Variants in LRCH2 observed in about 807,000 individuals in gnomAD.
The protein encoded by LRCH2 is leucine rich repeats and calponin homology domain containing 2, also known as leucine-rich repeat and calponin homology domain-containing protein 2.
Under a neutral mutation model 68.9 loss-of-function variants are expected in LRCH2, and 38 were observed. The observed-to-expected ratio is 0.55, with a 90% CI of 0.43 to 0.72. LRCH2 has a LOEUF of 0.72. Ranked by LOEUF, LRCH2 falls within the 30% of genes least tolerant of loss-of-function variation. The probability of loss-of-function intolerance (pLI) is 0.00; values close to 1 mark genes in which losing one functional copy is unlikely to be tolerated. For missense variants in LRCH2, 528 were observed against 572.9 expected (o/e 0.92, Z 0.80); for synonymous variants, 191 against 208.1 (o/e 0.92, Z 0.71).
chrX:115,145,163 T>A (rs1383759013), intron 14 of LRCH2, among the ~76,000 whole-genome samples: 1 of 111,398 alleles, frequency 9.0e-6, no homozygotes, highest in African/African-American at 3.3e-5. Context: ...TGAACTCAAT[T>A]TCAACAAAGC....
At chrX:115,189,442 A>G (rs1452719501) in intron 1 of LRCH2, 11 of 1,165,606 alleles carry the variant, frequency 9.4e-6, no homozygotes, top group Non-Finnish European at 1.1e-5. Context: ...GCAGGGAGAC[A>G]TGATGGAAGC....
At chrX:115,233,585 C>T in intron 1 of LRCH2, 108 bp downstream of exon 1, 1 of 829,591 alleles carries the variant, frequency 1.2e-6, no homozygotes, top group Non-Finnish European at 1.7e-6. Context: ...GTCTGGCGGT[C>T]CCCGCGCACC....
intron 1 of LRCH2, chrX:115,189,430 C>T (rs1481865165): frequency 4.3e-6 from 5 of 1,157,966 alleles, no homozygotes; most frequent in East Asian, 3.2e-5. Flanking sequence ...ACCCACCATT[C>T]GGCAGGGAGA....
At chrX:115,188,763 G>A (rs1333712457) in intron 1 of LRCH2, among the ~76,000 whole-genome samples, 6 of 111,323 alleles carry the variant, frequency 5.4e-5, no homozygotes, top group African/African-American at 9.8e-5. Context: ...CCCAGGAGGC[G>A]GAGGTTGCAG....
chrX:115,144,987 A>C (rs2072369511), intron 14 of LRCH2, among the ~76,000 whole-genome samples: 1 of 112,113 alleles, frequency 8.9e-6, no homozygotes, highest in South Asian at 3.7e-4. Context: ...AGAATGGCCA[A>C]AGCTATCCTG....
intron 3 of LRCH2, among the ~76,000 whole-genome samples, chrX:115,180,051 G>A (rs1431347332): frequency 9.0e-6 from 1 of 110,879 alleles, no homozygotes; most frequent in Non-Finnish European, 1.9e-5. Context: ...CCAGAAGTAA[G>A]AATGATCCAG....
intron 1 of LRCH2, among the ~76,000 whole-genome samples, chrX:115,219,109 C>T (rs1603101420): frequency 3.6e-5 from 4 of 112,002 alleles, no homozygotes; most frequent in Admixed American, 1.9e-4. Context: ...CCAACTGACT[C>T]TCCAGGACAA....
chrX:115,176,402 A>C (rs62601522), intron 5 of LRCH2, among the ~76,000 whole-genome samples: 11,738 of 110,995 alleles, frequency 0.11, 607 homozygotes, highest in Non-Finnish European at 0.16. Context: ...TGTGATTTAC[A>C]TTTCCCTGAT....
intron 11 of LRCH2, among the ~76,000 whole-genome samples, chrX:115,157,585 G>A (rs1447398296): frequency 9.3e-6 from 1 of 107,111 alleles, no homozygotes; most frequent in Non-Finnish European, 1.9e-5. Flanking sequence ...AGATGCAAAG[G>A]ACAAGTATCA....
chrX:115,149,676 G>C (rs2072416678), intron 14 of LRCH2, 151 bp downstream of exon 14: 1 of 364,579 alleles, frequency 2.7e-6, no homozygotes, highest in Admixed American at 5.3e-5. Flanking sequence ...GATATAATTA[G>C]ATTGTATTAC....
rs782574795 is a variant in LRCH2, at chrX:115,190,527, G to A, written c.350-2157C>T. The A allele has an allele frequency of 3.4e-4, 388 of 1,153,724 alleles. 2 individuals carry two copies. In the East Asian group the frequency reaches 0.011, roughly 32 times the overall value. ...CAGACGCCTACAGCAGGGACCACTC[G>A]CCCAAAGCCTATAGTGGGGGCCGCA... On this transcript the variant is annotated intron_variant, in intron 1 of 20. Transcript: ENST00000317135.
intron 1 of LRCH2, among the ~76,000 whole-genome samples, chrX:115,189,087 C>T (rs1488698435): frequency 1.8e-5 from 2 of 111,739 alleles, no homozygotes; most frequent in African/African-American, 6.5e-5. Flanking sequence ...TCTTAACCCA[C>T]TGCAATTTGG....
chrX:115,145,639 G>C (rs1348518911), intron 14 of LRCH2, among the ~76,000 whole-genome samples: 2 of 111,865 alleles, frequency 1.8e-5, no homozygotes, highest in East Asian at 2.8e-4. Context: ...GATGTGAATA[G>C]ACATTTCTGA....
intron 1 of LRCH2, among the ~76,000 whole-genome samples, chrX:115,188,896 T>C (rs1335590204): frequency 8.9e-6 from 1 of 112,297 alleles, no homozygotes; most frequent in African/African-American, 3.2e-5. Context: ...TGCTTCAGTA[T>C]ACCTAAATTC....
intron 1 of LRCH2, among the ~76,000 whole-genome samples, chrX:115,206,305 C>T (rs2072966453): frequency 8.9e-6 from 1 of 112,093 alleles, no homozygotes; most frequent in Non-Finnish European, 1.9e-5. Flanking sequence ...TGGGAACAGG[C>T]CCCCAAATCT....
chrX:115,123,838 G>T, intron 17 of LRCH2, 107 bp downstream of exon 17: 2 of 438,837 alleles, frequency 4.6e-6, no homozygotes, highest in South Asian at 5.2e-5. Flanking sequence ...TTTTAGGAGA[G>T]GGGAAAGAAT....
intron 14 of LRCH2, among the ~76,000 whole-genome samples, chrX:115,137,435 G>A (rs958282478): frequency 9.2e-6 from 1 of 108,650 alleles, no homozygotes; most frequent in Non-Finnish European, 1.9e-5. Context: ...TCCAGAGAGA[G>A]CTTTTTAGAG....
intron 1 of LRCH2, chrX:115,191,992 C>T (rs1556560595): frequency 1.6e-5 from 19 of 1,165,953 alleles, no homozygotes; most frequent in East Asian, 3.3e-5. Flanking sequence ...CAGTTACGAC[C>T]GGAGCCACCG....
intron 14 of LRCH2, among the ~76,000 whole-genome samples, chrX:115,138,505 A>G (rs1556532757): frequency 9.0e-6 from 1 of 111,312 alleles, no homozygotes; most frequent in Admixed American, 9.6e-5. Context: ...ATCTTTTGTT[A>G]TGGGGTGTCA....
Sources: allele counts gnomAD v4.1 joint callset (sites outside exome capture counted in the v4.1 genomes callset), GRCh38; gene constraint gnomAD v4.1.1; transcripts MANE v1.5; gene names NCBI Gene and HGNC (gene_info 2026-07-23, HGNC 2026-07-21).